Variants in PCDH15 observed in about 807,000 individuals in gnomAD.
The protein encoded by PCDH15 is protocadherin-15.
PCDH15 carries 129 observed loss-of-function variants against 178.5 expected under a neutral mutation model. The ratio of observed to expected loss-of-function variants is 0.72; its 90% CI spans 0.63 to 0.84. The LOEUF (loss-of-function observed/expected upper bound fraction) is 0.84, where lower values mean the gene tolerates loss of function less well. Ranked by LOEUF, PCDH15 falls within the 40% of genes least tolerant of loss-of-function variation. The pLI, the probability that PCDH15 is intolerant of heterozygous loss-of-function variation, is 0.00. For synonymous variants in PCDH15, 800 were observed against 732.0 expected (o/e 1.09, Z -1.50); for missense variants, 2,230 against 2,099.9 (o/e 1.06, Z -1.21).
intron 4 of PCDH15, among the ~76,000 whole-genome samples, chr10:54,370,038 A>C (rs1454397119): frequency 1.3e-5 from 2 of 152,002 alleles, no homozygotes; most frequent in African/African-American, 4.8e-5. Flanking sequence ...AAATACTTCA[A>C]TACATAGTAT....
chr10:54,104,781 G>C (rs1181305300), intron 15 of PCDH15, among the ~76,000 whole-genome samples: 1 of 143,232 alleles, frequency 7.0e-6, no homozygotes, highest in African/African-American at 2.6e-5. Flanking sequence ...AGCTTGCAGA[G>C]AGCCAAGATC....
intron 2 of PCDH15, among the ~76,000 whole-genome samples, chr10:55,372,153 C>T (rs1007821743): frequency 1.3e-5 from 2 of 152,018 alleles, no homozygotes; most frequent in African/African-American, 4.8e-5. Flanking sequence ...TCATAACAAA[C>T]CTGGAAAATG....
At chr10:55,259,423 A>C (rs910781056) in intron 1 of PCDH15, among the ~76,000 whole-genome samples, 2 of 152,190 alleles carry the variant, frequency 1.3e-5, no homozygotes, top group African/African-American at 4.8e-5. Flanking sequence ...AGGGACAGGG[A>C]GTGGTTAACT....
At chr10:54,501,531 T>A (rs556491849) in intron 3 of PCDH15, among the ~76,000 whole-genome samples, 1 of 152,258 alleles carries the variant, frequency 6.6e-6, no homozygotes, top group South Asian at 2.1e-4. Context: ...CATAGTCCAG[T>A]CTGATGCCAG....
At chr10:55,078,242 G>C (rs1439753135) in intron 2 of PCDH15, among the ~76,000 whole-genome samples, 1 of 152,052 alleles carries the variant, frequency 6.6e-6, no homozygotes, top group African/African-American at 2.4e-5. Context: ...GCTAGTTTTG[G>C]AATTATCTCT....
intron 5 of PCDH15, 53 bp from the exon 6 acceptor site, chr10:54,346,537 CA>C (rs1943322354): frequency 1.2e-6 from 2 of 1,601,314 alleles, no homozygotes; most frequent in African/African-American, 2.7e-5. Flanking sequence ...AACTGCACAC[CA>C]GAAATGTTAC....
intron 25 of PCDH15, among the ~76,000 whole-genome samples, chr10:53,927,604 C>T (rs2084680165): frequency 6.6e-6 from 1 of 151,988 alleles, no homozygotes; most frequent in African/African-American, 2.4e-5. Context: ...ATTATAACAG[C>T]GTTTCTTTGA....
intron 2 of PCDH15, among the ~76,000 whole-genome samples, chr10:55,568,759 A>AT (rs899491797): frequency 6.6e-6 from 1 of 151,988 alleles, no homozygotes; most frequent in African/African-American, 2.4e-5. Context: ...AGAAAATGTA[A>AT]TTTTTTGAGT....
chr10:53,827,495 G>C lies in PCDH15; in HGVS notation c.4265C>G (p.Ala1422Gly), dbSNP rs772491935. Residue 1422 changes from alanine (A) to glycine (G), a missense_variant, in exon 32 of 38, where the codon GCT becomes GGT. Ala to Gly is a moderately conservative substitution (Grantham distance 60). Transcript: ENST00000644397. ...TARIQAALPA[A>G]KPAVPAPAPV... ...TGCAGGAGCCGGCACTGCTGGTTTA[G>C]CCGCGGGTAATGCGGCCTGAATTCG... 44 of 1,613,990 alleles carry C rather than the reference G, an allele frequency of 2.7e-5. 1 individual carries two copies. In the South Asian group the frequency reaches 4.0e-4, roughly 14 times the overall value.
chr10:55,146,613 A>G (rs1591940734), intron 2 of PCDH15, among the ~76,000 whole-genome samples: 1 of 151,954 alleles, frequency 6.6e-6, no homozygotes, highest in East Asian at 1.9e-4. Flanking sequence ...ATTAAGTTAT[A>G]CATGAAAGAG....
intron 1 of PCDH15, among the ~76,000 whole-genome samples, chr10:55,319,009 T>C (rs1843810430): frequency 6.6e-6 from 1 of 151,928 alleles, no homozygotes; most frequent in Non-Finnish European, 1.5e-5. Context: ...TTTGGAGTTA[T>C]TATGTCCATA....
At chr10:54,715,253 C>A (rs1440083262) in intron 1 of PCDH15, among the ~76,000 whole-genome samples, 2 of 152,048 alleles carry the variant, frequency 1.3e-5, no homozygotes, top group African/African-American at 2.4e-5. Context: ...TAAGAAATTA[C>A]CAATATGGAA....
intron 21 of PCDH15, among the ~76,000 whole-genome samples, chr10:53,968,121 A>G (rs2089248231): frequency 6.6e-6 from 1 of 152,182 alleles, no homozygotes; most frequent in Admixed American, 6.5e-5. Flanking sequence ...GCCATGACAG[A>G]TGGTACCTGG....
chr10:54,932,855 A>C (rs148217884), intron 2 of PCDH15, among the ~76,000 whole-genome samples: 2 of 152,064 alleles, frequency 1.3e-5, no homozygotes, highest in Non-Finnish European at 2.9e-5. Context: ...TAAAGTCTAC[A>C]CTAGTGTGCA....
chr10:54,244,427 C>T (rs2055715010), intron 8 of PCDH15, among the ~76,000 whole-genome samples: 1 of 152,048 alleles, frequency 6.6e-6, no homozygotes, highest in Admixed American at 6.6e-5. Context: ...GGTGGTAACC[C>T]GGTAATTATT....
rs549508468 is a variant in PCDH15 at position 53,829,689 on chromosome 10, G to A, written c.4203-1116C>T. On this transcript the variant is annotated intron_variant, in intron 30 of 37. Coordinates refer to ENST00000644397, the MANE Select transcript of PCDH15 (RefSeq NM_001384140.1). ...ATTTGCAACTTCACATTGCTTTTGA[G>A]GTAGAAAATATTTCTGTAGTTTCAG... Among the ~76,000 whole-genome samples the A allele has an allele frequency of 1.1e-4, 17 of 152,118 alleles. No individual in the cohort carries two copies. In the South Asian group the frequency reaches 3.5e-3, roughly 32 times the overall value.
At chr10:54,608,996 T>C (rs1208006418) in intron 2 of PCDH15, among the ~76,000 whole-genome samples, 4 of 152,080 alleles carry the variant, frequency 2.6e-5, no homozygotes, top group African/African-American at 9.7e-5. Flanking sequence ...GCAACATGAA[T>C]GATAATCACG....
At chr10:54,013,164 T>A (rs1366126741) in intron 20 of PCDH15, among the ~76,000 whole-genome samples, 1 of 151,886 alleles carries the variant, frequency 6.6e-6, no homozygotes, top group Non-Finnish European at 1.5e-5. Flanking sequence ...AAGACAAAGA[T>A]GAGCCTTACA....
At chr10:53,833,327 T>TTAGA (rs1364020268) in intron 29 of PCDH15, among the ~76,000 whole-genome samples, 1 of 152,108 alleles carries the variant, frequency 6.6e-6, no homozygotes, top group Admixed American at 6.5e-5. Flanking sequence ...GCCCTATTAC[T>TTAGA]TAGATACTTA....
Sources: gnomAD v4.1 joint callset for allele counts (sites outside exome capture counted in the v4.1 genomes callset) on GRCh38, gnomAD v4.1.1 for gene constraint, MANE v1.5 for transcripts, NCBI Gene and HGNC (gene_info 2026-07-23, HGNC 2026-07-21) for gene names.